NETO1: variants seen among roughly 807,000 people sequenced by gnomAD.
NETO1 encodes neuropilin and tolloid-like protein 1.
In NETO1, 26 loss-of-function variants were observed where a neutral mutation model predicts 61.3. The observed-to-expected ratio is 0.42, with a 90% CI of 0.31 to 0.59. NETO1 has a LOEUF of 0.59. Ranked by LOEUF, NETO1 falls within the 20% of genes least tolerant of loss-of-function variation. NETO1 has a pLI of 0.12. For missense variants in NETO1, 531 were observed against 662.8 expected, an observed-to-expected ratio of 0.80 and a Z score of 2.18; for synonymous variants, 225 against 225.8, an observed-to-expected ratio of 1.00 and a Z score of 0.03.
intron 4 of NETO1, among the ~76,000 whole-genome samples, chr18:72,829,833 A>G (rs2073515228): frequency 6.6e-6 from 1 of 152,214 alleles, no homozygotes; most frequent in Non-Finnish European, 1.5e-5. Context: ...CTGTTCTGTC[A>G]TATCAGTGCA....
At chr18:72,846,531 A>AAAAAAAAAAAAAAAAAC in intron 4 of NETO1, among the ~76,000 whole-genome samples, 1 of 149,552 alleles carries the variant, frequency 6.7e-6, no homozygotes, top group Non-Finnish European at 1.5e-5. Context: ...AAAAAAAAAA[A>AAAAAAAAAAAAAAAAAC]AAAGAAGATG....
At chr18:72,798,876 T>G (rs1176241405) in intron 4 of NETO1, among the ~76,000 whole-genome samples, 1 of 152,112 alleles carries the variant, frequency 6.6e-6, no homozygotes, top group Non-Finnish European at 1.5e-5. Flanking sequence ...CCAAGACCAC[T>G]CTGTACAATG....
At chr18:72,759,109 T>TG (rs972127391) in intron 7 of NETO1, among the ~76,000 whole-genome samples, 14 of 152,270 alleles carry the variant, frequency 9.2e-5, no homozygotes, top group Admixed American at 8.5e-4. Flanking sequence ...TTCGACGACT[T>TG]GCGTGCACTC....
chr18:72,805,830 G>C (rs187422371), intron 4 of NETO1, among the ~76,000 whole-genome samples: 62 of 152,230 alleles, frequency 4.1e-4, no homozygotes, highest in African/African-American at 1.3e-3. Context: ...ATATAAAACA[G>C]ATAAAATACA....
intron 4 of NETO1, among the ~76,000 whole-genome samples, chr18:72,840,605 G>C (rs1287056762): frequency 4.0e-5 from 6 of 151,358 alleles, no homozygotes; most frequent in African/African-American, 1.2e-4. Flanking sequence ...TAACCCAACA[G>C]GAAATTTGAA....
At chr18:72,847,312 C>G (rs2074118449) in intron 4 of NETO1, among the ~76,000 whole-genome samples, 2 of 152,084 alleles carry the variant, frequency 1.3e-5, no homozygotes, top group Non-Finnish European at 2.9e-5. Context: ...AGTGAGGTGT[C>G]TGAAGGTAGC....
chr18:72,859,863 A>C (rs532679513), intron 3 of NETO1, among the ~76,000 whole-genome samples: 1 of 152,254 alleles, frequency 6.6e-6, no homozygotes, highest in East Asian at 1.9e-4. Context: ...ATCTTGAAAG[A>C]CAAGAACCAT....
intron 4 of NETO1, among the ~76,000 whole-genome samples, chr18:72,805,663 C>A (rs995225347): frequency 6.6e-6 from 1 of 152,118 alleles, no homozygotes; most frequent in African/African-American, 2.4e-5. Context: ...AGGCAGTCGA[C>A]CTCCAGATTT....
At chr18:72,772,823 CTCTATATA>C (rs1396801709) in intron 7 of NETO1, among the ~76,000 whole-genome samples, 14 of 38,844 alleles carry the variant, frequency 3.6e-4, no homozygotes, top group Admixed American at 6.8e-4. Context: ...CTCTCTCTCT[CTCTATATA>C]TATATATATA....
chr18:72,784,746 C>G (rs955206715), intron 6 of NETO1, among the ~76,000 whole-genome samples: 1 of 152,180 alleles, frequency 6.6e-6, no homozygotes, highest in African/African-American at 2.4e-5. Context: ...TGACTCTTTA[C>G]TAATGTGCAT....
intron 4 of NETO1, among the ~76,000 whole-genome samples, chr18:72,856,344 T>C (rs1109070): frequency 0.29 from 43,478 of 152,042 alleles, 6,476 homozygotes; most frequent in Middle Eastern, 0.38. Flanking sequence ...TGACGTAGTA[T>C]AGGTAGGAAT....
intron 4 of NETO1, among the ~76,000 whole-genome samples, chr18:72,813,296 C>G (rs889712670): frequency 6.6e-6 from 1 of 152,182 alleles, no homozygotes; most frequent in East Asian, 1.9e-4. Context: ...AAGGGTTACA[C>G]GGATTATGCA....
intron 7 of NETO1, among the ~76,000 whole-genome samples, chr18:72,778,325 T>C (rs2071626527): frequency 6.6e-6 from 1 of 152,214 alleles, no homozygotes; most frequent in Non-Finnish European, 1.5e-5. Context: ...ACACCTTTGG[T>C]GTTTTCTTGT....
At chr18:72,777,464 G>A (rs539911939) in intron 7 of NETO1, among the ~76,000 whole-genome samples, 4 of 142,892 alleles carry the variant, frequency 2.8e-5, no homozygotes, top group Admixed American at 1.4e-4. Context: ...AAAAAAGGCC[G>A]GGCGCGGTGG....
At chr18:72,810,126 T>C (rs2072817150) in intron 4 of NETO1, among the ~76,000 whole-genome samples, 1 of 152,256 alleles carries the variant, frequency 6.6e-6, no homozygotes, top group Non-Finnish European at 1.5e-5. Flanking sequence ...ATTTGCATTC[T>C]ACAATATCAA....
intron 4 of NETO1, among the ~76,000 whole-genome samples, chr18:72,831,361 G>T (rs2073572699): frequency 6.6e-6 from 1 of 152,156 alleles, no homozygotes; most frequent in African/African-American, 2.4e-5. Flanking sequence ...TCAGATAAAA[G>T]ACACTGGGTT....
At chr18:72,816,210 A>G (rs2073028810) in intron 4 of NETO1, among the ~76,000 whole-genome samples, 1 of 152,090 alleles carries the variant, frequency 6.6e-6, no homozygotes, top group South Asian at 2.1e-4. Context: ...AGATCAAATC[A>G]AACAATTCAA....
At chr18:72,819,600 T>A (rs993534405) in intron 4 of NETO1, among the ~76,000 whole-genome samples, 1 of 152,184 alleles carries the variant, frequency 6.6e-6, no homozygotes, top group African/African-American at 2.4e-5. Flanking sequence ...AAACTTTGAT[T>A]TGAAATATTT....
At chr18:72,772,762 T>C (rs1323735846) in intron 7 of NETO1, among the ~76,000 whole-genome samples, 1 of 24,940 alleles carries the variant, frequency 4.0e-5, no homozygotes, top group Admixed American at 6.6e-4. Flanking sequence ...TATATATCTA[T>C]ATATATATAT....
Sources: gnomAD v4.1 joint callset for allele counts (sites outside exome capture counted in the v4.1 genomes callset) on GRCh38, gnomAD v4.1.1 for gene constraint, MANE v1.5 for transcripts, NCBI Gene and HGNC (gene_info 2026-07-23, HGNC 2026-07-21) for gene names.